The following IPO11 variants were observed in gnomAD, a reference collection of about 807,000 sequenced individuals.
The protein encoded by IPO11 is importin 11.
IPO11 carries 66 observed loss-of-function variants against 143.2 expected under a neutral mutation model. The observed-to-expected ratio is 0.46, with a 90% CI of 0.38 to 0.57. The LOEUF (loss-of-function observed/expected upper bound fraction) is 0.57, where lower values mean the gene tolerates loss of function less well. Among genes scored for constraint, IPO11 ranks in the 20% least tolerant of loss-of-function variants. The probability of loss-of-function intolerance (pLI) is 0.00; values close to 1 mark genes in which losing one functional copy is unlikely to be tolerated. For missense variants in IPO11, 1,026 were observed against 1,141.0 expected, an observed-to-expected ratio of 0.90 and a Z score of 1.45; for synonymous variants, 385 against 377.8, an observed-to-expected ratio of 1.02 and a Z score of -0.22.
At chr5:62,481,470 G>A (rs948536428) in intron 9 of IPO11, among the ~76,000 whole-genome samples, 11 of 152,120 alleles carry the variant, frequency 7.2e-5, no homozygotes, top group Middle Eastern at 3.2e-3. Context: ...TTAGGATGAA[G>A]GGCTGTTGAA....
Position 62,451,712 on chromosome 5 carries a change from T to C in IPO11, c.313-18T>C. The C allele has an allele frequency of 6.2e-7, 1 of 1,605,854 alleles. No individual in the cohort carries two copies. Among genetic ancestry groups the C allele is most frequent in the Non-Finnish European group, 8.5e-7 (1 of 1,172,852 alleles). The stretch of plus-strand genomic sequence containing the variant: ...TATCTATTGCCTTGATTCCATTTGT[T>C]TAATTTTTTCCTTTCAGATTGCAAC... On this transcript the variant is annotated intron_variant, in intron 4 of 29. Coordinates refer to ENST00000325324, the MANE Select transcript of IPO11 (RefSeq NM_016338.5).
intron 24 of IPO11, among the ~76,000 whole-genome samples, chr5:62,538,912 A>G (rs528536007): frequency 6.6e-6 from 1 of 152,230 alleles, no homozygotes; most frequent in Admixed American, 6.5e-5. Flanking sequence ...TGAAGTGAAC[A>G]GGAGTAAGGA....
At chr5:62,465,443 T>A (rs1019036492) in intron 5 of IPO11, among the ~76,000 whole-genome samples, 1 of 152,242 alleles carries the variant, frequency 6.6e-6, no homozygotes, top group Admixed American at 6.5e-5. Context: ...TTTTTCCCAC[T>A]TTTTAAATAT....
intron 27 of IPO11, among the ~76,000 whole-genome samples, chr5:62,583,446 T>A (rs934515268): frequency 6.6e-6 from 1 of 152,170 alleles, no homozygotes; most frequent in African/African-American, 2.4e-5. Flanking sequence ...AGAAAATCTA[T>A]CAAAATTTTT....
chr5:62,427,897 G>A (rs896232428), intron 1 of IPO11, among the ~76,000 whole-genome samples: 4 of 152,198 alleles, frequency 2.6e-5, no homozygotes, highest in African/African-American at 9.7e-5. Context: ...ATATATGGAA[G>A]CATCTTTAGT....
At chr5:62,578,805 A>G (rs1393549449) in intron 27 of IPO11, 1 of 435,402 alleles carries the variant, frequency 2.3e-6, no homozygotes, top group Non-Finnish European at 4.6e-6. Context: ...AAAAAAAAAA[A>G]AAAAAGTGGT....
At chr5:62,533,232 A>G (rs151320611) in intron 22 of IPO11, among the ~76,000 whole-genome samples, 1,407 of 130,960 alleles carry the variant, frequency 0.011, 24 homozygotes, top group African/African-American at 0.04. Context: ...TTTTTTTGAG[A>G]TGGAGTTTCA....
chr5:62,461,240 A>C (rs1237865370), intron 5 of IPO11, among the ~76,000 whole-genome samples: 3 of 151,712 alleles, frequency 2.0e-5, no homozygotes, highest in African/African-American at 4.8e-5. Flanking sequence ...GGTTGGGGGG[A>C]TGGGGGGTTG....
At chr5:62,432,446 G>T (rs1744027432) in intron 1 of IPO11, among the ~76,000 whole-genome samples, 2 of 152,218 alleles carry the variant, frequency 1.3e-5, no homozygotes, top group African/African-American at 4.8e-5. Flanking sequence ...CCCTTGGCTG[G>T]GAGTTAGGGT....
intron 1 of IPO11, among the ~76,000 whole-genome samples, chr5:62,431,001 A>G (rs961376838): frequency 1.3e-5 from 2 of 151,360 alleles, no homozygotes; most frequent in Non-Finnish European, 2.9e-5. Context: ...ATTTTTTGAG[A>G]CAGAGTCTCC....
At chr5:62,457,238 C>T (rs1373224975) in intron 5 of IPO11, among the ~76,000 whole-genome samples, 1 of 152,052 alleles carries the variant, frequency 6.6e-6, no homozygotes, top group African/African-American at 2.4e-5. Flanking sequence ...CCTGTAATCC[C>T]AGCACTTTGG....
chr5:62,533,350 T>C (rs1409521913), intron 22 of IPO11, among the ~76,000 whole-genome samples: 1 of 151,924 alleles, frequency 6.6e-6, no homozygotes, highest in Non-Finnish European at 1.5e-5. Context: ...TAGCTGGGAT[T>C]ATAGGTATGC....
At chr5:62,579,834 A>G (rs1251954375) in intron 27 of IPO11, 1 of 1,547,616 alleles carries the variant, frequency 6.5e-7, no homozygotes, top group Non-Finnish European at 8.7e-7. Flanking sequence ...AGGGACTTTT[A>G]AATCTTCGTA....
chr5:62,452,642 C>CT (rs952616772), intron 5 of IPO11, among the ~76,000 whole-genome samples: 1 of 141,564 alleles, frequency 7.1e-6, no homozygotes, highest in Non-Finnish European at 1.5e-5. Context: ...TTTTTTGCAC[C>CT]TTTTTTTTGG....
At chr5:62,494,232 C>T in intron 16 of IPO11, 108 bp downstream of exon 16, 1 of 892,270 alleles carries the variant, frequency 1.1e-6, no homozygotes, top group Non-Finnish European at 1.6e-6. Context: ...TATGGCCTTT[C>T]ACTGCACTAG....
chr5:62,498,678 TG>T (rs144498369), intron 16 of IPO11, among the ~76,000 whole-genome samples: 3,118 of 152,312 alleles, frequency 0.02, 48 homozygotes, highest in Non-Finnish European at 0.028. Context: ...CACCTGAGCC[TG>T]GCCAACATGG....
chr5:62,506,846 G>A (rs900174562), intron 19 of IPO11, among the ~76,000 whole-genome samples: 6 of 152,054 alleles, frequency 3.9e-5, no homozygotes, highest in Non-Finnish European at 8.8e-5. Context: ...TTGTTAATCC[G>A]GAAAACCACA....
chr5:62,483,526 A>G, intron 10 of IPO11: 1 of 399,814 alleles, frequency 2.5e-6, no homozygotes, highest in Non-Finnish European at 4.4e-6. Context: ...AAGCTTAGGG[A>G]CTTTAAGAAT....
At chr5:62,497,310 C>T (rs1278875177) in intron 16 of IPO11, among the ~76,000 whole-genome samples, 6 of 152,142 alleles carry the variant, frequency 3.9e-5, no homozygotes, top group African/African-American at 1.4e-4. Context: ...GTGCTCATCA[C>T]TCAGTTACCC....
Sources: gnomAD v4.1 joint callset for allele counts (sites outside exome capture counted in the v4.1 genomes callset) on GRCh38, gnomAD v4.1.1 for gene constraint, MANE v1.5 for transcripts, NCBI Gene and HGNC (gene_info 2026-07-23, HGNC 2026-07-21) for gene names.